MPPED2: variants seen among roughly 807,000 people sequenced by gnomAD.
The protein encoded by MPPED2 is metallophosphoesterase MPPED2.
MPPED2 carries 5 observed loss-of-function variants against 33.0 expected under a neutral mutation model. That is an observed-to-expected ratio of 0.15 (90% CI 0.08 to 0.32). The LOEUF (loss-of-function observed/expected upper bound fraction) is 0.32. Ranked by LOEUF, MPPED2 falls within the 10% of genes least tolerant of loss-of-function variation. The probability of loss-of-function intolerance (pLI) is 1.00; values close to 1 mark genes in which losing one functional copy is unlikely to be tolerated. For missense variants in MPPED2, 275 were observed against 372.1 expected (o/e 0.74, Z 2.15); for synonymous variants, 136 against 141.9 (o/e 0.96, Z 0.29).
intron 3 of MPPED2, among the ~76,000 whole-genome samples, chr11:30,515,066 G>T (rs1953447560): frequency 6.6e-6 from 1 of 152,168 alleles, no homozygotes; most frequent in Non-Finnish European, 1.5e-5. Context: ...CTGCACTCCA[G>T]CCTGGGCAAA....
intron 2 of MPPED2, among the ~76,000 whole-genome samples, chr11:30,572,012 G>GATC: frequency 6.6e-6 from 1 of 152,158 alleles, no homozygotes; most frequent in East Asian, 1.9e-4. Context: ...AAGGAGAGGT[G>GATC]ATCTGATGGC....
Position 30,580,511 on chromosome 11 carries a change from A to G in MPPED2, c.-121-17T>C. 3.5e-6 allele frequency: 5 copies of G among 1,419,760 alleles called. No homozygotes were observed. The highest frequency in any genetic ancestry group is 3.7e-6 in the Non-Finnish European group (4 of 1,082,820). 87.9% of individuals were successfully genotyped at this position (1,419,760 alleles called of 1,614,324 possible). ...TGTGCATTTCTGAAAGAAAAAAAAAATGTATATAAAATGAGAACAAAGAGA... is the reference window on the plus strand; with the variant it reads ...TGTGCATTTCTGAAAGAAAAAAAAAGTGTATATAAAATGAGAACAAAGAGA... On this transcript the variant is annotated splice_polypyrimidine_tract_variant and intron_variant, in intron 1 of 6. Transcript: ENST00000358117.
chr11:30,482,939 C>T (rs759252710), intron 4 of MPPED2, among the ~76,000 whole-genome samples: 8 of 151,722 alleles, frequency 5.3e-5, no homozygotes, highest in African/African-American at 1.2e-4. Context: ...GCCTTAAATA[C>T]GAATACCCTC....
intron 3 of MPPED2, among the ~76,000 whole-genome samples, chr11:30,505,263 C>A (rs768412601): frequency 6.6e-6 from 1 of 152,172 alleles, no homozygotes; most frequent in Non-Finnish European, 1.5e-5. Flanking sequence ...CTTATTCCAA[C>A]ACAACTTTTT....
intron 4 of MPPED2, among the ~76,000 whole-genome samples, chr11:30,466,778 G>T (rs1054983708): frequency 6.6e-6 from 1 of 152,146 alleles, no homozygotes; most frequent in Non-Finnish European, 1.5e-5. Flanking sequence ...AATACCTACT[G>T]CATTTTTGGA....
downstream of MPPED2, among the ~76,000 whole-genome samples, chr11:30,406,926 T>C (rs555781095): frequency 2.0e-5 from 3 of 152,304 alleles, no homozygotes; most frequent in East Asian, 3.9e-4. Flanking sequence ...GAATAGAGCA[T>C]GAAAAGAGAC....
intron 2 of MPPED2, among the ~76,000 whole-genome samples, chr11:30,545,677 A>C (rs1332280351): frequency 6.6e-6 from 1 of 152,118 alleles, no homozygotes; most frequent in Non-Finnish European, 1.5e-5. Flanking sequence ...ACACAAAGAC[A>C]CTGAGACTCA....
intron 2 of MPPED2, among the ~76,000 whole-genome samples, chr11:30,566,363 A>T (rs1956443186): frequency 6.6e-6 from 1 of 152,190 alleles, no homozygotes; most frequent in African/African-American, 2.4e-5. Flanking sequence ...GGAAGCTTTG[A>T]TATTTTTTCC....
intron 2 of MPPED2, among the ~76,000 whole-genome samples, chr11:30,561,133 T>C (rs543609637): frequency 6.6e-6 from 1 of 152,260 alleles, no homozygotes; most frequent in South Asian, 2.1e-4. Context: ...TTCATGTGGG[T>C]GTGCATATAC....
At chr11:30,552,978 C>T (rs965660650) in intron 2 of MPPED2, among the ~76,000 whole-genome samples, 2 of 152,148 alleles carry the variant, frequency 1.3e-5, no homozygotes, top group African/African-American at 2.4e-5. Flanking sequence ...TCAACAATTA[C>T]AGCAACTCCT....
At chr11:30,565,506 G>A (rs1345654406) in intron 2 of MPPED2, among the ~76,000 whole-genome samples, 2 of 151,968 alleles carry the variant, frequency 1.3e-5, no homozygotes, top group South Asian at 4.2e-4. Flanking sequence ...TTACCTACAG[G>A]GCAAAAAGCT....
Position 30,499,153 on chromosome 11 carries a change from C to T in MPPED2, c.311-3632G>A, listed in dbSNP as rs150182487. Among the ~76,000 whole-genome samples, 343 of 152,320 alleles carry T rather than the reference C, an allele frequency of 2.3e-3. 1 individual carries two copies. Among genetic ancestry groups the T allele is most frequent in the African/African-American group, 7.9e-3 (327 of 41,572 alleles). On this transcript the variant is annotated intron_variant, in intron 3 of 6. Coordinates refer to ENST00000358117, the MANE Select transcript of MPPED2 (RefSeq NM_001584.3). ...GGCTCCAACTGAGCCCCTCTCCAGA[C>T]ATGCAAAATACCCTCTAACCACATG...
At chr11:30,441,734 T>C (rs1590279100) in intron 4 of MPPED2, among the ~76,000 whole-genome samples, 1 of 152,282 alleles carries the variant, frequency 6.6e-6, no homozygotes, top group Non-Finnish European at 1.5e-5. Context: ...TTCATTCTCT[T>C]GCCCCTTTTT....
chr11:30,577,637 A>G (rs1449266734), intron 2 of MPPED2, among the ~76,000 whole-genome samples: 1 of 152,214 alleles, frequency 6.6e-6, no homozygotes, highest in Non-Finnish European at 1.5e-5. Flanking sequence ...CAGAAATATG[A>G]CATGATTAAA....
intron 3 of MPPED2, among the ~76,000 whole-genome samples, chr11:30,512,609 G>A (rs1307212844): frequency 2.6e-5 from 4 of 152,148 alleles, no homozygotes; most frequent in African/African-American, 7.2e-5. Context: ...CCAGAACCGG[G>A]ATTGTACAAA....
intron 4 of MPPED2, among the ~76,000 whole-genome samples, chr11:30,446,019 G>A (rs575555680): frequency 7.5e-4 from 114 of 152,322 alleles, no homozygotes; most frequent in African/African-American, 2.3e-3. Context: ...ATGTGTACAT[G>A]TGTACGTTCT....
At chr11:30,558,989 G>A (rs187797411) in intron 2 of MPPED2, among the ~76,000 whole-genome samples, 28 of 152,034 alleles carry the variant, frequency 1.8e-4, no homozygotes, top group Non-Finnish European at 2.8e-4. Context: ...ATGAAAAAAT[G>A]GTGATGAATG....
rs944065366 is a variant in MPPED2, at chr11:30,569,736, T to A, written c.128+10510A>T. 8.5e-5 allele frequency among the ~76,000 whole-genome samples: 13 copies of A among 152,278 alleles called. No individual in the cohort carries two copies. The South Asian group carries it at 2.7e-3, about 32-fold the overall frequency. On this transcript the variant is annotated intron_variant, in intron 2 of 6. Coordinates refer to ENST00000358117, the MANE Select transcript of MPPED2 (RefSeq NM_001584.3). ...TTTGAATTATCCCAAAAATCATTCC[T>A]TCTCAGAGATCAACATAGGTCAAAG...
At chr11:30,407,673 A>G (rs1948011031), downstream of MPPED2, among the ~76,000 whole-genome samples, 1 of 152,114 alleles carries the variant, frequency 6.6e-6, no homozygotes, top group South Asian at 2.1e-4. Flanking sequence ...GGAGCTGGAG[A>G]CTGTCCTGGG....
Sources: allele counts gnomAD v4.1 joint callset (sites outside exome capture counted in the v4.1 genomes callset), GRCh38; gene constraint gnomAD v4.1.1; transcripts MANE v1.5; gene names NCBI Gene and HGNC (gene_info 2026-07-23, HGNC 2026-07-21).